Variants in RB1 observed in about 807,000 individuals in gnomAD.
The protein encoded by RB1 is RB transcriptional corepressor 1.
In RB1, 18 loss-of-function variants were observed where a neutral mutation model predicts 135.4. That is an observed-to-expected ratio of 0.13 (90% CI 0.09 to 0.20). The LOEUF (loss-of-function observed/expected upper bound fraction) is 0.20, where lower values mean the gene tolerates loss of function less well. RB1 is among the 10% of genes least tolerant of loss of function. The pLI, the probability that RB1 is intolerant of heterozygous loss-of-function variation, is 1.00. For missense variants in RB1, 868 were observed against 1,110.0 expected (o/e 0.78, Z 3.10); for synonymous variants, 365 against 373.2 (o/e 0.98, Z 0.25).
chr13:48,340,932 T>G (rs1000309503), intron 2 of RB1: 1 of 152,484 alleles, frequency 6.6e-6, no homozygotes, highest in Admixed American at 6.5e-5. Flanking sequence ...TATTGAGGTA[T>G]AATTTACATA....
chr13:48,480,618 T>C lies in RB1; in HGVS notation c.*547T>C. 4.4e-6 allele frequency: 1 copy of C among 226,462 alleles called. No homozygotes were observed. 14.0% of individuals were successfully genotyped at this position (226,462 alleles called of 1,614,324 possible). A position where few individuals can be genotyped will look rare whatever the true frequency, so the allele number is the denominator to read the frequency against. ...TTAGAAATTAGAAAAAAATTACTAATTTTACACATTAGATTTTATTTTACT... is the reference window on the plus strand; with the variant it reads ...TTAGAAATTAGAAAAAAATTACTAACTTTACACATTAGATTTTATTTTACT... On this transcript the variant is annotated 3_prime_UTR_variant, in exon 27 of 27. Transcript: ENST00000267163.
At chr13:48,363,532 G>A (rs1217357919) in intron 8 of RB1, among the ~76,000 whole-genome samples, 2 of 152,114 alleles carry the variant, frequency 1.3e-5, no homozygotes, top group Non-Finnish European at 1.5e-5. Context: ...ACTCCAGCCC[G>A]GGCGCCAGAG....
At chr13:48,477,548 T>C (rs972554924) in intron 26 of RB1, 144 bp downstream of exon 26, 37 of 713,942 alleles carry the variant, frequency 5.2e-5, no homozygotes, top group East Asian at 3.3e-4. Flanking sequence ...CAAGGTTATT[T>C]ATCTACAAAC....
At chr13:48,341,941 T>C (rs1236436455) in intron 2 of RB1, among the ~76,000 whole-genome samples, 1 of 151,926 alleles carries the variant, frequency 6.6e-6, no homozygotes, top group East Asian at 1.9e-4. Context: ...GTGGTATATA[T>C]TGTGGGGAAA....
chr13:48,422,650 C>G (rs1237351801), intron 17 of RB1: 1 of 151,826 alleles, frequency 6.6e-6, no homozygotes, highest in Admixed American at 6.6e-5. Context: ...TAAAAATTAC[C>G]TGGGTGTGGT....
intron 17 of RB1, among the ~76,000 whole-genome samples, chr13:48,389,170 A>T (rs188982134): frequency 1.2e-3 from 185 of 152,190 alleles, no homozygotes; most frequent in African/African-American, 3.4e-3. Context: ...AAAATAAAAT[A>T]AAATAAAATT....
intron 17 of RB1, among the ~76,000 whole-genome samples, chr13:48,421,987 T>C (rs1463732376): frequency 6.6e-6 from 1 of 152,134 alleles, no homozygotes. Context: ...GAACCAGAAA[T>C]ACCATTTGAC....
chr13:48,423,190 C>T (rs1949031475), intron 17 of RB1, among the ~76,000 whole-genome samples: 2 of 152,066 alleles, frequency 1.3e-5, no homozygotes, highest in Non-Finnish European at 1.5e-5. Flanking sequence ...TGTAATGCAT[C>T]GGTTTTTAAA....
chr13:48,328,955 G>A (rs1207901157), intron 2 of RB1, among the ~76,000 whole-genome samples: 1 of 20,696 alleles, frequency 4.8e-5, no homozygotes, highest in Admixed American at 5.7e-4. Flanking sequence ...TGTCAGTGAA[G>A]TATTTTTTTC....
chr13:48,447,653 C>T (rs942145982), intron 17 of RB1, among the ~76,000 whole-genome samples: 21 of 151,872 alleles, frequency 1.4e-4, no homozygotes, highest in Non-Finnish European at 2.9e-4. Flanking sequence ...AGTTGAGAAG[C>T]TTATTGAGGG....
chr13:48,408,332 G>T (rs895787328), intron 17 of RB1, among the ~76,000 whole-genome samples: 1 of 151,878 alleles, frequency 6.6e-6, no homozygotes, highest in Non-Finnish European at 1.5e-5. Context: ...CAGTAAAGAT[G>T]ATTTCTAAGT....
At chr13:48,380,021 T>C (rs1278602330) in intron 14 of RB1, 32 bp from the exon 15 acceptor site, 2 of 1,224,050 alleles carry the variant, frequency 1.6e-6, no homozygotes, top group South Asian at 1.5e-5. Context: ...ATTAAACAAC[T>C]TCTTTTTTTT....
intron 23 of RB1, 92 bp downstream of exon 23, chr13:48,465,460 A>C (rs995324809): frequency 1.9e-5 from 24 of 1,277,014 alleles, no homozygotes; most frequent in Non-Finnish European, 2.7e-5. Flanking sequence ...TTCATTTCAA[A>C]TAAGCTAGAC....
chr13:48,379,571 T>G, intron 13 of RB1, 23 bp from the exon 14 acceptor site: 1 of 1,608,562 alleles, frequency 6.2e-7, no homozygotes, highest in Non-Finnish European at 8.5e-7. Context: ...CAGGCTCTTA[T>G]TTTTCTTTTT....
At chr13:48,382,214 G>C (rs1024782220) in intron 17 of RB1, among the ~76,000 whole-genome samples, 1 of 152,100 alleles carries the variant, frequency 6.6e-6, no homozygotes, top group Admixed American at 6.6e-5. Context: ...ATAATCCTTT[G>C]GGTATATACC....
chr13:48,368,076 G>A lies in RB1; in HGVS notation c.1050-451G>A, dbSNP rs147824834. On this transcript the variant is annotated intron_variant, in intron 10 of 26. Transcript: ENST00000267163. Reference sequence around the variant, plus strand: ...AAGTAAAGTTAATTTTGTGTCTTTAGCATGAACTCTTTTAATATGAAACTG... The same window carrying A: ...AAGTAAAGTTAATTTTGTGTCTTTAACATGAACTCTTTTAATATGAAACTG... Among the ~76,000 whole-genome samples, 493 of 152,222 alleles carry A rather than the reference G, an allele frequency of 3.2e-3. 2 individuals carry two copies. The highest frequency in any genetic ancestry group is 0.011 in the African/African-American group (459 of 41,554).
chr13:48,360,264 T>A (rs1952627395), intron 7 of RB1, 137 bp downstream of exon 7: 3 of 1,491,244 alleles, frequency 2.0e-6, no homozygotes, highest in Non-Finnish European at 2.7e-6. Flanking sequence ...CCATAAGTAG[T>A]GTAAGTTATA....
intron 23 of RB1, among the ~76,000 whole-genome samples, chr13:48,471,583 A>T (rs1263044707): frequency 6.6e-6 from 1 of 150,386 alleles, no homozygotes; most frequent in African/African-American, 2.4e-5. Flanking sequence ...TAAAAAAAAA[A>T]AAAAGAAAAT....
Position 48,463,626 on chromosome 13 carries a change from G to A in RB1, c.2107-105G>A, listed in dbSNP as rs1949418741. On this transcript the variant is annotated intron_variant, in intron 20 of 26. Coordinates refer to ENST00000267163, the MANE Select transcript of RB1 (RefSeq NM_000321.3). ...CAGTATGGAAAGAAATAACTCTGTA[G>A]ATTAAACCTTTCTTTTTTGAGGCTA... is the stretch of plus-strand genomic sequence containing the variant. The A allele has an allele frequency of 9.1e-6, 7 of 771,374 alleles. 1 individual carries two copies. Among genetic ancestry groups the A allele is most frequent in the South Asian group, 7.4e-5 (5 of 67,666 alleles). The allele number at this position is 771,374 out of a possible 1,614,324, so 47.8% of individuals were successfully genotyped here.
Sources: allele counts gnomAD v4.1 joint callset (sites outside exome capture counted in the v4.1 genomes callset), GRCh38; gene constraint gnomAD v4.1.1; transcripts MANE v1.5; gene names NCBI Gene and HGNC (gene_info 2026-07-23, HGNC 2026-07-21).